The following LINGO2 variants were observed in gnomAD, a reference collection of about 807,000 sequenced individuals.
LINGO2 encodes leucine rich repeat and Ig domain containing 2.
In LINGO2, 14 loss-of-function variants were observed where a neutral mutation model predicts 30.6. The ratio of observed to expected loss-of-function variants is 0.46; its 90% CI spans 0.30 to 0.72. The LOEUF is 0.72. Among genes scored for constraint, LINGO2 ranks in the 30% least tolerant of loss-of-function variants. The pLI is 0.07. For missense variants in LINGO2, 729 were observed against 751.7 expected (o/e 0.97, Z 0.35); for synonymous variants, 317 against 288.5 (o/e 1.10, Z -1.00).
At chr9:28,264,231 C>T (rs1822666610) in intron 4 of LINGO2, among the ~76,000 whole-genome samples, 1 of 151,842 alleles carries the variant, frequency 6.6e-6, no homozygotes, top group Non-Finnish European at 1.5e-5. Context: ...TTCGCTACGC[C>T]CTCTATTAAA....
At chr9:28,494,145 A>C (rs1819491086) in intron 1 of LINGO2, among the ~76,000 whole-genome samples, 1 of 152,182 alleles carries the variant, frequency 6.6e-6, no homozygotes, top group South Asian at 2.1e-4. Context: ...GGTGCAAAAG[A>C]AATACCGGTT....
At chr9:28,554,278 G>A (rs1822506549) in intron 1 of LINGO2, among the ~76,000 whole-genome samples, 1 of 150,886 alleles carries the variant, frequency 6.6e-6, no homozygotes, top group Non-Finnish European at 1.5e-5. Context: ...GACACACATA[G>A]GCTCAAAATA....
intron 4 of LINGO2, among the ~76,000 whole-genome samples, chr9:28,256,591 T>C (rs1822391451): frequency 6.6e-6 from 1 of 151,934 alleles, no homozygotes; most frequent in African/African-American, 2.4e-5. Flanking sequence ...GATGAAAAAG[T>C]AATGTCTGAG....
the LINGO2 span, among the ~76,000 whole-genome samples, chr9:28,794,234 G>A: frequency 6.6e-6 from 1 of 152,172 alleles, no homozygotes; most frequent in Admixed American, 6.5e-5. Context: ...AATCCGGGAG[G>A]CAGAGGTTGC....
the LINGO2 span, among the ~76,000 whole-genome samples, chr9:28,696,718 G>C: frequency 6.6e-6 from 1 of 151,840 alleles, no homozygotes; most frequent in African/African-American, 2.4e-5. Flanking sequence ...TTAGGGAAAG[G>C]TTATTGTATA....
At chr9:29,055,405 T>G in the LINGO2 span, among the ~76,000 whole-genome samples, 1 of 152,208 alleles carries the variant, frequency 6.6e-6, no homozygotes, top group Admixed American at 6.5e-5. Flanking sequence ...GGCTGAATAA[T>G]ATTCCACTCC....
intron 4 of LINGO2, among the ~76,000 whole-genome samples, chr9:28,037,994 C>A (rs1824018264): frequency 6.6e-6 from 1 of 152,190 alleles, no homozygotes; most frequent in South Asian, 2.1e-4. Flanking sequence ...CAGGATTACA[C>A]AGTGAATAGT....
Position 28,391,766 on chromosome 9 carries a change from T to C in LINGO2, c.-278-18898A>G, listed in dbSNP as rs1201746443. The stretch of plus-strand genomic sequence containing the variant: ...GAAATTCTTTATAATTATTTTTGAA[T>C]ATACCAATAAATACCTAATTTATTT... On this transcript the variant is annotated intron_variant, in intron 2 of 5. Transcript: ENST00000379992. Among the ~76,000 whole-genome samples, 10 of 152,278 alleles carry C rather than the reference T, an allele frequency of 6.6e-5. No homozygotes were observed. The East Asian group carries it at 1.7e-3, about 26-fold the overall frequency.
intron 4 of LINGO2, among the ~76,000 whole-genome samples, chr9:28,260,864 A>G (rs1277003169): frequency 1.3e-5 from 2 of 151,978 alleles, no homozygotes; most frequent in Non-Finnish European, 2.9e-5. Flanking sequence ...AATCAACTGG[A>G]TATTCAGTGA....
chr9:28,355,693 G>A (rs1009524629), intron 3 of LINGO2, among the ~76,000 whole-genome samples: 1 of 152,064 alleles, frequency 6.6e-6, no homozygotes, highest in East Asian at 1.9e-4. Flanking sequence ...GCTCCAGGAG[G>A]GTTCACAGTG....
chr9:28,857,866 T>C, the LINGO2 span, among the ~76,000 whole-genome samples: 1 of 152,030 alleles, frequency 6.6e-6, no homozygotes, highest in Admixed American at 6.6e-5. Flanking sequence ...TAAAATATAT[T>C]ATTGAAATTA....
chr9:28,457,709 G>A (rs1824908568), intron 2 of LINGO2, among the ~76,000 whole-genome samples: 1 of 152,120 alleles, frequency 6.6e-6, no homozygotes, highest in African/African-American at 2.4e-5. Flanking sequence ...GGAATTATAG[G>A]TATGAGTCAC....
intron 2 of LINGO2, among the ~76,000 whole-genome samples, chr9:28,397,355 G>GTATATATA (rs3069833): frequency 4.9e-4 from 63 of 129,136 alleles, no homozygotes; most frequent in African/African-American, 1.5e-3. Context: ...ATGTTTTGAA[G>GTATATATA]TATATATATA....
chr9:28,304,497 C>A (rs1824268746), intron 3 of LINGO2, among the ~76,000 whole-genome samples: 2 of 151,902 alleles, frequency 1.3e-5, no homozygotes, highest in Non-Finnish European at 2.9e-5. Flanking sequence ...ACACTTAAAT[C>A]AGGATATAGA....
chr9:28,854,967 A>G, the LINGO2 span, among the ~76,000 whole-genome samples: 1 of 152,050 alleles, frequency 6.6e-6, no homozygotes, highest in African/African-American at 2.4e-5. Flanking sequence ...ATACAGAGCC[A>G]ACATTACTAT....
At chr9:28,691,198 G>C in the LINGO2 span, among the ~76,000 whole-genome samples, 7 of 152,246 alleles carry the variant, frequency 4.6e-5, no homozygotes, top group Admixed American at 1.3e-4. Flanking sequence ...AAAAGAGATT[G>C]GTTTACAGTC....
intron 4 of LINGO2, among the ~76,000 whole-genome samples, chr9:28,015,482 C>T (rs933464670): frequency 2.4e-4 from 3 of 12,606 alleles, no homozygotes; most frequent in Non-Finnish European, 5.3e-4. Flanking sequence ...TGAGGTTCAA[C>T]GTTTAAATAA....
intron 4 of LINGO2, among the ~76,000 whole-genome samples, chr9:28,143,809 A>G (rs1202755436): frequency 6.6e-6 from 1 of 152,136 alleles, no homozygotes; most frequent in Non-Finnish European, 1.5e-5. Context: ...AATTGCTCAT[A>G]AAAAAGGAAA....
intron 2 of LINGO2, among the ~76,000 whole-genome samples, chr9:28,385,740 C>G (rs2210410): frequency 0.99 from 151,420 of 152,250 alleles, 75,300 homozygotes; most frequent in Middle Eastern, 1. Flanking sequence ...ATGTGCATGT[C>G]CTTCATTAGC....
Sources: allele counts gnomAD v4.1 joint callset (sites outside exome capture counted in the v4.1 genomes callset), GRCh38; gene constraint gnomAD v4.1.1; transcripts MANE v1.5; gene names NCBI Gene and HGNC (gene_info 2026-07-23, HGNC 2026-07-21).